The following ZNF469 variants were observed in gnomAD, a reference collection of about 807,000 sequenced individuals.
ZNF469 encodes zinc finger protein 469.
Under a neutral mutation model 1.0 loss-of-function variants are expected in ZNF469, and 1 was observed. That is an observed-to-expected ratio of 1.00 (90% CI 0.35 to 4.73). The LOEUF is 4.73. Ranked by LOEUF, ZNF469 falls within the 30% of genes most tolerant of loss-of-function variation. The pLI is 0.16. For missense variants in ZNF469, 6,100 were observed against 5,356.3 expected (o/e 1.14, Z -4.33); for synonymous variants, 2,703 against 2,363.4 (o/e 1.14, Z -4.17).
Position 88,434,779 on chromosome 16 carries a change from GA to G in ZNF469, c.7310del (p.Asp2437AlafsTer36). The G allele has an allele frequency of 6.5e-7, 1 of 1,550,338 alleles. No individual in the cohort carries two copies. Among genetic ancestry groups the G allele is most frequent in the South Asian group, 1.2e-5 (1 of 84,060 alleles). On this transcript the variant is annotated frameshift_variant, in exon 3 of 3. Coordinates refer to ENST00000565624, the MANE Select transcript of ZNF469 (RefSeq NM_001367624.2). LOFTEE classifies it low-confidence loss of function (END_TRUNC). ...RNASHQTPQG[D>X]PLGPQDLKQR... ...TGCCTCCCACCAGACTCCCCAGGGG[GA>G]CCCCCTCGGCCCCCAAGACCTCAAA...
At chr16:88,418,688 G>A (rs1567505608) in intron 1 of ZNF469, among the ~76,000 whole-genome samples, 1 of 152,056 alleles carries the variant, frequency 6.6e-6, no homozygotes, top group East Asian at 1.9e-4. Flanking sequence ...CTCCAATGCC[G>A]GCCTCCACTT....
the ZNF469 span, among the ~76,000 whole-genome samples, chr16:88,367,538 C>G: frequency 3.8e-3 from 585 of 152,226 alleles, 7 homozygotes; most frequent in African/African-American, 0.013. Context: ...GCTTTGAGGG[C>G]TTTGGAAGGA....
At chr16:88,157,544 C>A in the ZNF469 span, among the ~76,000 whole-genome samples, 2 of 152,146 alleles carry the variant, frequency 1.3e-5, no homozygotes, top group Admixed American at 1.3e-4. Context: ...CCCATCTCTC[C>A]TCCACCCTCC....
chr16:88,237,417 G>T, the ZNF469 span, among the ~76,000 whole-genome samples: 6 of 4,282 alleles, frequency 1.4e-3, no homozygotes, highest in African/African-American at 2.6e-3. Context: ...CCTGCCCTCC[G>T]TGCTCCTGCC....
the ZNF469 span, among the ~76,000 whole-genome samples, chr16:88,357,196 C>T: frequency 6.6e-6 from 1 of 152,190 alleles, no homozygotes; most frequent in Admixed American, 6.5e-5. Flanking sequence ...AGCCCTGGAC[C>T]CGGGTTTGAA....
intron 1 of ZNF469, among the ~76,000 whole-genome samples, chr16:88,402,259 C>T (rs1904904106): frequency 6.6e-6 from 1 of 152,138 alleles, no homozygotes; most frequent in South Asian, 2.1e-4. Context: ...GCACCAGAAG[C>T]ACAGTGGTGA....
chr16:88,368,899 T>C, the ZNF469 span, among the ~76,000 whole-genome samples: 1 of 152,056 alleles, frequency 6.6e-6, no homozygotes, highest in African/African-American at 2.4e-5. Context: ...GCCAACATGG[T>C]GAAACCCTAT....
the ZNF469 span, among the ~76,000 whole-genome samples, chr16:88,112,262 C>T: frequency 2.6e-5 from 4 of 152,144 alleles, no homozygotes; most frequent in Non-Finnish European, 5.9e-5. Flanking sequence ...GCAGACATCT[C>T]TTTGATAGAT....
rs1005974582 is a variant in ZNF469 at position 88,432,031 on chromosome 16, G to A, written c.4561G>A (p.Gly1521Arg). The change falls in exon 3 of 3, where the codon GGA becomes AGA. Residue 1521 changes from glycine (G) to arginine (R), a missense_variant. Gly to Arg is a moderately radical substitution (Grantham distance 125, BLOSUM62 -2). Transcript: ENST00000565624. The part of the protein sequence containing the change: ...LPSHFPDLSG[G>R]KVLSKTCPPE... ...TAGCCATTTTCCTGATCTCTCGGGG[G>A]GAAAGGTGCTCAGTAAGACGTGTCC... 3 of 1,550,426 alleles carry A rather than the reference G, an allele frequency of 1.9e-6. No homozygotes were observed. Among genetic ancestry groups the A allele is most frequent in the East Asian group, 2.4e-5 (1 of 40,920 alleles).
the ZNF469 span, among the ~76,000 whole-genome samples, chr16:88,217,226 C>G: frequency 6.6e-6 from 1 of 152,048 alleles, no homozygotes; most frequent in Admixed American, 6.5e-5. Context: ...GTTTACCCTT[C>G]CTTGTGCTAG....
the ZNF469 span, among the ~76,000 whole-genome samples, chr16:88,355,101 C>T: frequency 6.8e-6 from 1 of 146,314 alleles, no homozygotes; most frequent in Admixed American, 6.7e-5. Context: ...GCAGGGGGCG[C>T]AGAACACTGG....
At chr16:88,290,360 A>C in the ZNF469 span, among the ~76,000 whole-genome samples, 1 of 152,198 alleles carries the variant, frequency 6.6e-6, no homozygotes, top group Non-Finnish European at 1.5e-5. Flanking sequence ...GGTTTTTGGC[A>C]GAAAAGGAGT....
the ZNF469 span, among the ~76,000 whole-genome samples, chr16:88,104,288 A>G: frequency 6.6e-6 from 1 of 151,214 alleles, no homozygotes; most frequent in East Asian, 1.9e-4. Context: ...TTATTGAGAT[A>G]CGCTTCACAT....
the ZNF469 span, among the ~76,000 whole-genome samples, chr16:88,205,233 C>T: frequency 6.6e-6 from 1 of 152,280 alleles, no homozygotes; most frequent in South Asian, 2.1e-4. The surrounding 1 kb of genome is among the most constrained non-coding windows in gnomAD (Gnocchi z 4.2). Flanking sequence ...CCTCAATCCG[C>T]AATGGAGATG....
the ZNF469 span, among the ~76,000 whole-genome samples, chr16:88,161,801 C>T: frequency 5.3e-5 from 8 of 152,300 alleles, no homozygotes; most frequent in East Asian, 3.9e-4. Flanking sequence ...AGCCAGATGA[C>T]GTGAGCTTGC....
At chr16:88,216,322 C>T in the ZNF469 span, among the ~76,000 whole-genome samples, 6 of 151,892 alleles carry the variant, frequency 4.0e-5, no homozygotes, top group Non-Finnish European at 5.9e-5. Context: ...GATGAAACCC[C>T]GTCTCTCCTA....
chr16:88,431,212 C>T lies in ZNF469; in HGVS notation c.3742C>T (p.Pro1248Ser), dbSNP rs1027420142. 7 of 1,550,260 alleles carry T rather than the reference C, an allele frequency of 4.5e-6. No homozygotes were observed. In the East Asian group the frequency reaches 9.8e-5, roughly 22 times the overall value. ...STEFTEALRS[P>S]PAACAGEMGA... ...AGAATTCACAGAGGCTTTGCGTTCTCCTCCAGCCGCCTGTGCGGGAGAAAT... is the reference window on the plus strand; with the variant it reads ...AGAATTCACAGAGGCTTTGCGTTCTTCTCCAGCCGCCTGTGCGGGAGAAAT... Residue 1248 changes from proline (P) to serine (S), a missense_variant, in exon 3 of 3, where the codon CCT becomes TCT. Transcript: ENST00000565624.
Position 88,430,213 on chromosome 16 carries a change from G to A in ZNF469, c.2743G>A (p.Asp915Asn), listed in dbSNP as rs975002262. The change falls in exon 3 of 3, where the codon GAC becomes AAC. Residue 915 changes from aspartate to asparagine, a missense_variant. By Grantham distance (23) the Asp-to-Asn change is conservative. Transcript: ENST00000565624. ...TPDPQTPRPG[D>N]RGCPARGRPK... is the part of the protein sequence containing the mutation. ...GGACCCCCAAACCCCCCGCCCTGGGGACAGGGGCTGCCCAGCCCGAGGCAG... is the reference window on the plus strand; with the variant it reads ...GGACCCCCAAACCCCCCGCCCTGGGAACAGGGGCTGCCCAGCCCGAGGCAG... 1.3e-6 allele frequency: 2 copies of A among 1,543,268 alleles called. No homozygotes were observed. Among genetic ancestry groups the A allele is most frequent in the Non-Finnish European group, 1.7e-6 (2 of 1,143,394 alleles).
At chr16:88,178,897 C>T in the ZNF469 span, 1 of 151,982 alleles carries the variant, frequency 6.6e-6, no homozygotes, top group Non-Finnish European at 1.5e-5. Context: ...ACCACCTTCA[C>T]CTGGAGGCCG....
Sources: gnomAD v4.1 joint callset for allele counts (sites outside exome capture counted in the v4.1 genomes callset) on GRCh38, gnomAD v4.1.1 for gene constraint, Gnocchi (gnomAD v3.1) non-coding constraint, MANE v1.5 for transcripts, NCBI Gene and HGNC (gene_info 2026-07-23, HGNC 2026-07-21) for gene names.